Variants in AHR observed in about 807,000 individuals in gnomAD.
The protein encoded by AHR is AH-receptor.
Under a neutral mutation model 86.8 loss-of-function variants are expected in AHR, and 40 were observed. The ratio of observed to expected loss-of-function variants is 0.46; its 90% CI spans 0.36 to 0.60. The LOEUF is 0.60. Ranked by LOEUF, AHR falls within the 20% of genes least tolerant of loss-of-function variation. The probability of loss-of-function intolerance (pLI) is 0.00; values close to 1 mark genes in which losing one functional copy is unlikely to be tolerated. For synonymous variants in AHR, 398 were observed against 354.9 expected (o/e 1.12, Z -1.37); for missense variants, 1,001 against 1,011.6 (o/e 0.99, Z 0.14).
At chr7:17,309,787 G>A in intron 1 of AHR, 149 bp from the exon 2 acceptor site, 1 of 624,896 alleles carries the variant, frequency 1.6e-6, no homozygotes, top group Non-Finnish European at 2.5e-6. Flanking sequence ...GATGTGAAAG[G>A]AAGATTTTAG....
intron 7 of AHR, 49 bp from the exon 8 acceptor site, chr7:17,334,838 A>G: frequency 7.7e-7 from 1 of 1,305,618 alleles, no homozygotes; most frequent in Non-Finnish European, 1.1e-6. Flanking sequence ...TATTTCATTT[A>G]TGTTAAATCT....
chr7:17,311,522 C>T (rs1782064042), intron 2 of AHR, among the ~76,000 whole-genome samples: 1 of 152,118 alleles, frequency 6.6e-6, no homozygotes, highest in African/African-American at 2.4e-5. Context: ...TGATGTGTTT[C>T]GTCTGAGCAT....
At chr7:17,314,305 T>C (rs1782094699) in intron 2 of AHR, among the ~76,000 whole-genome samples, 1 of 152,084 alleles carries the variant, frequency 6.6e-6, no homozygotes, top group Non-Finnish European at 1.5e-5. Context: ...ATGCTTAAAA[T>C]AATCACCATT....
intron 5 of AHR, among the ~76,000 whole-genome samples, chr7:17,330,510 A>G (rs902139269): frequency 1.3e-5 from 2 of 151,972 alleles, no homozygotes; most frequent in Non-Finnish European, 2.9e-5. Context: ...ACAAAAATGC[A>G]TTAGAAAATA....
rs768394637 is a variant in AHR at position 17,330,876 on chromosome 7, C to T, written c.695C>T (p.Ser232Phe). 3 of 1,611,470 alleles carry T rather than the reference C, an allele frequency of 1.9e-6. No homozygotes were observed. Among genetic ancestry groups the T allele is most frequent in the South Asian group, 1.1e-5 (1 of 90,922 alleles). Reference protein sequence around the residue: ...CRLRCLLDNSSGFLAMNFQGK... With the variant: ...CRLRCLLDNSFGFLAMNFQGK... Reference sequence around the variant, plus strand: ...CTAAGGTGTCTGCTGGATAATTCATCTGGTTTTCTGGTAAGGTACAAAATT... The same window carrying T: ...CTAAGGTGTCTGCTGGATAATTCATTTGGTTTTCTGGTAAGGTACAAAATT... Residue 232 changes from serine (S) to phenylalanine (F), a missense_variant, in exon 6 of 11, where the codon TCT becomes TTT. Ser to Phe is a radical substitution (Grantham distance 155, BLOSUM62 -2). Coordinates refer to ENST00000242057, the MANE Select transcript of AHR (RefSeq NM_001621.5).
chr7:17,302,751 A>G (rs1030718592), intron 1 of AHR, among the ~76,000 whole-genome samples: 5 of 151,836 alleles, frequency 3.3e-5, no homozygotes, highest in African/African-American at 9.7e-5. Flanking sequence ...CTTGACCAAT[A>G]AAGCACGACA....
At chr7:17,330,549 A>G (rs1266662309) in intron 5 of AHR, among the ~76,000 whole-genome samples, 2 of 151,944 alleles carry the variant, frequency 1.3e-5, no homozygotes, top group Non-Finnish European at 2.9e-5. Flanking sequence ...ATAGCTCAAT[A>G]AAAATTTAAA....
At chr7:17,342,815 C>T (rs1453933596) in intron 10 of AHR, 106 bp from the exon 11 acceptor site, 2 of 1,113,354 alleles carry the variant, frequency 1.8e-6, no homozygotes, top group Admixed American at 2.5e-5. Context: ...TTGAAGTTTA[C>T]AACTCTCAGG....
At chr7:17,325,549 T>A (rs1215831861) in intron 3 of AHR, among the ~76,000 whole-genome samples, 2 of 152,240 alleles carry the variant, frequency 1.3e-5, no homozygotes, top group Admixed American at 1.3e-4. Flanking sequence ...CAAGTTCTTA[T>A]GGGTAGAATC....
chr7:17,334,024 A>G lies in AHR; in HGVS notation c.818A>G (p.Gln273Arg). ...TTGTTTGCGATAGCTACTCCACTTC[A>G]GCCACCATCCATACTTGAAATCCGG... ...LALFAIATPL[Q>R]PPSILEIRTK... The change falls in exon 7 of 11, where the codon CAG becomes CGG. Residue 273 changes from glutamine to arginine, a missense_variant. Coordinates refer to ENST00000242057, the MANE Select transcript of AHR (RefSeq NM_001621.5). 6.8e-6 allele frequency: 11 copies of G among 1,613,582 alleles called. No individual in the cohort carries two copies. Among genetic ancestry groups the G allele is most frequent in the Non-Finnish European group, 9.3e-6 (11 of 1,179,560 alleles).
intron 1 of AHR, among the ~76,000 whole-genome samples, chr7:17,300,941 A>G (rs1781949214): frequency 1.3e-5 from 2 of 152,128 alleles, no homozygotes; most frequent in African/African-American, 4.8e-5. Flanking sequence ...GGCTTTGTAA[A>G]CAAAAACAAA....
intron 1 of AHR, among the ~76,000 whole-genome samples, chr7:17,304,014 T>C (rs1781981087): frequency 6.6e-6 from 1 of 152,168 alleles, no homozygotes; most frequent in South Asian, 2.1e-4. Flanking sequence ...TTTGCAGATT[T>C]TCTACTTAGG....
intron 6 of AHR, among the ~76,000 whole-genome samples, chr7:17,331,875 A>G (rs1375841973): frequency 6.6e-6 from 1 of 152,014 alleles, no homozygotes; most frequent in Non-Finnish European, 1.5e-5. Context: ...GAAACAGATA[A>G]TCAAATCTTA....
In AHR at chr7:17,330,794, C is replaced by T. The variant is rs1280985386; in HGVS notation, c.613C>T (p.Pro205Ser). 1.9e-6 allele frequency: 3 copies of T among 1,612,114 alleles called. No individual in the cohort carries two copies. In the South Asian group the frequency reaches 3.3e-5, roughly 18 times the overall value. ...CCCCCAGACAGTAGTCTGTTATAAC[C>T]CAGACCAGATTCCTCCAGAAAACTC... is the stretch of plus-strand genomic sequence containing the variant. ...GLPQTVVCYN[P>S]DQIPPENSPL... Residue 205 changes from proline (P) to serine (S), a missense_variant, in exon 6 of 11, where the codon CCA becomes TCA. Pro to Ser is a moderately conservative substitution (Grantham distance 74). Coordinates refer to ENST00000242057, the MANE Select transcript of AHR (RefSeq NM_001621.5).
intron 3 of AHR, among the ~76,000 whole-genome samples, chr7:17,327,177 C>A (rs1025927234): frequency 6.6e-6 from 1 of 151,936 alleles, no homozygotes; most frequent in South Asian, 2.1e-4. Flanking sequence ...GGTATGTGTT[C>A]ATAATGACAT....
chr7:17,298,868 G>A lies in AHR; in HGVS notation c.-397G>A, dbSNP rs1303443603. 3 of 398,372 alleles carry A rather than the reference G, an allele frequency of 7.5e-6. No individual in the cohort carries two copies. Among genetic ancestry groups the A allele is most frequent in the East Asian group, 3.6e-5 (1 of 28,000 alleles). 24.7% of individuals were successfully genotyped at this position (398,372 alleles called of 1,614,324 possible). A position where few individuals can be genotyped will look rare whatever the true frequency, so the allele number is the denominator to read the frequency against. The stretch of plus-strand genomic sequence containing the variant: ...CCCAAGGGGCCGCGGCGACGGTCAC[G>A]GGGCGCGGCGCCACCGTGAGCGACC... On this transcript the variant is annotated 5_prime_UTR_variant, in exon 1 of 11. Transcript: ENST00000242057.
chr7:17,329,803 T>A, intron 4 of AHR, 149 bp from the exon 5 acceptor site: 1 of 662,438 alleles, frequency 1.5e-6, no homozygotes, highest in South Asian at 2.2e-5. Context: ...TTAGGTTCTA[T>A]CTTAGGTGAC....
At position 17,330,856 on chromosome 7, in the gene AHR, G is replaced by A. The variant is rs775873054; in HGVS notation, c.675G>A (p.Arg225=). ...AGAGGTGCTTCATATGTCGTCTAAG[G>A]TGTCTGCTGGATAATTCATCTGGTT... ...LMERCFICRL[R]CLLDNSSGFL... Residue 225 remains arginine, a synonymous_variant, in exon 6 of 11, where the codon AGG becomes AGA. Coordinates refer to ENST00000242057, the MANE Select transcript of AHR (RefSeq NM_001621.5). 3.7e-6 allele frequency: 6 copies of A among 1,612,248 alleles called. No homozygotes were observed. The East Asian group carries it at 6.7e-5, about 18-fold the overall frequency.
chr7:17,314,927 CA>C (rs942416091), intron 2 of AHR, among the ~76,000 whole-genome samples: 2 of 151,982 alleles, frequency 1.3e-5, no homozygotes. Flanking sequence ...CAGTTTAGCA[CA>C]TTTGAAATCA....
Sources: gnomAD v4.1 joint callset for allele counts (sites outside exome capture counted in the v4.1 genomes callset) on GRCh38, gnomAD v4.1.1 for gene constraint, MANE v1.5 for transcripts, NCBI Gene and HGNC (gene_info 2026-07-23, HGNC 2026-07-21) for gene names.